The following GALNTL6 variants were observed in gnomAD, a reference collection of about 807,000 sequenced individuals.
GALNTL6 encodes polypeptide N-acetylgalactosaminyltransferase-like 6.
In GALNTL6, 46 loss-of-function variants were observed where a neutral mutation model predicts 73.7. The observed-to-expected ratio is 0.62, with a 90% CI of 0.49 to 0.80. The LOEUF (loss-of-function observed/expected upper bound fraction) is 0.80, where lower values mean the gene tolerates loss of function less well. GALNTL6 is among the 30% of genes least tolerant of loss of function. GALNTL6 has a pLI of 0.00. For missense variants in GALNTL6, 604 were observed against 755.0 expected (o/e 0.80, Z 2.34); for synonymous variants, 259 against 263.7 (o/e 0.98, Z 0.17).
intron 5 of GALNTL6, among the ~76,000 whole-genome samples, chr4:172,702,970 GTT>G (rs1306679670): frequency 6.6e-6 from 1 of 151,710 alleles, no homozygotes; most frequent in East Asian, 1.9e-4. Context: ...TTTATGTATA[GTT>G]TTTTTGGTTG....
chr4:172,087,400 G>A (rs558370079), intron 2 of GALNTL6, among the ~76,000 whole-genome samples: 4 of 147,556 alleles, frequency 2.7e-5, no homozygotes, highest in Non-Finnish European at 5.9e-5. Context: ...AGCCGAGGTC[G>A]CGCCACTGCA....
chr4:173,009,544 G>A (rs561258215), intron 11 of GALNTL6, among the ~76,000 whole-genome samples: 192 of 152,310 alleles, frequency 1.3e-3, no homozygotes, highest in Non-Finnish European at 2.1e-3. Flanking sequence ...ATATGAGAAA[G>A]GATGGGAGAA....
At chr4:171,851,090 A>G (rs893174105) in intron 2 of GALNTL6, among the ~76,000 whole-genome samples, 1 of 152,226 alleles carries the variant, frequency 6.6e-6, no homozygotes, top group African/African-American at 2.4e-5. Context: ...AAATTGAAGT[A>G]TAAGATAGGA....
At chr4:172,817,225 A>T (rs976017995) in intron 7 of GALNTL6, among the ~76,000 whole-genome samples, 9 of 151,908 alleles carry the variant, frequency 5.9e-5, no homozygotes, top group Non-Finnish European at 1.3e-4. Flanking sequence ...CAGGAGTTTG[A>T]GACGAGCCTG....
chr4:172,082,611 G>A (rs951588817), intron 2 of GALNTL6, among the ~76,000 whole-genome samples: 4 of 152,204 alleles, frequency 2.6e-5, no homozygotes, highest in African/African-American at 9.7e-5. Flanking sequence ...AAGAAAGATT[G>A]TGGCAGAGAA....
At chr4:172,254,551 CT>C (rs1175453281) in intron 3 of GALNTL6, among the ~76,000 whole-genome samples, 1 of 151,654 alleles carries the variant, frequency 6.6e-6, no homozygotes, top group Non-Finnish European at 1.5e-5. Context: ...GAAATCTTTG[CT>C]TTTCATTATC....
At chr4:172,609,623 CTCTGTGTGTGTGTGTGTGTGTG>C (rs939367840) in intron 5 of GALNTL6, among the ~76,000 whole-genome samples, 4 of 92,594 alleles carry the variant, frequency 4.3e-5, no homozygotes, top group Admixed American at 3.4e-4. Flanking sequence ...CTCTCTCTCT[CTCTGTGTGTGTGTGTGTGTGTG>C]TGTGTGTGTG....
chr4:172,652,868 TAA>T (rs931136936), intron 5 of GALNTL6, among the ~76,000 whole-genome samples: 9 of 152,322 alleles, frequency 5.9e-5, no homozygotes, highest in Non-Finnish European at 1.2e-4. Context: ...TTCCTAATTA[TAA>T]GTTTTTTTCT....
intron 2 of GALNTL6, among the ~76,000 whole-genome samples, chr4:171,993,990 T>C (rs1032252833): frequency 6.4e-4 from 98 of 152,066 alleles, no homozygotes; most frequent in African/African-American, 2.3e-3. Flanking sequence ...TAAAGAATGC[T>C]GGTGAATTGA....
At chr4:172,930,074 C>T (rs1371914122) in intron 8 of GALNTL6, among the ~76,000 whole-genome samples, 1 of 152,100 alleles carries the variant, frequency 6.6e-6, no homozygotes, top group East Asian at 1.9e-4. Context: ...GTCAGGAGTT[C>T]AAGACCAGCC....
intron 5 of GALNTL6, among the ~76,000 whole-genome samples, chr4:172,610,699 G>T (rs547778748): frequency 6.6e-6 from 1 of 152,104 alleles, no homozygotes; most frequent in South Asian, 2.1e-4. Context: ...TGTCTGTCAG[G>T]TCCATTTGGT....
chr4:172,044,611 A>T (rs984378125), intron 2 of GALNTL6, among the ~76,000 whole-genome samples: 2 of 151,994 alleles, frequency 1.3e-5, no homozygotes, highest in Non-Finnish European at 2.9e-5. Flanking sequence ...ATTCTAATAT[A>T]TGCCTGTAAA....
intron 2 of GALNTL6, among the ~76,000 whole-genome samples, chr4:171,970,605 A>G (rs184774443): frequency 1.1e-4 from 17 of 152,304 alleles, no homozygotes; most frequent in African/African-American, 3.4e-4. Context: ...ATCCTAGGGA[A>G]TTGGATTAGC....
chr4:172,794,345 A>C (rs1269482189), intron 5 of GALNTL6, among the ~76,000 whole-genome samples: 1 of 152,212 alleles, frequency 6.6e-6, no homozygotes, highest in Non-Finnish European at 1.5e-5. Flanking sequence ...CTCCTTGGAC[A>C]TTGATTAAGT....
intron 2 of GALNTL6, among the ~76,000 whole-genome samples, chr4:171,915,210 T>A (rs1681366888): frequency 1.3e-5 from 2 of 152,198 alleles, no homozygotes; most frequent in Admixed American, 1.3e-4. Flanking sequence ...ATGTAATTAA[T>A]GAGCATTGGA....
At chr4:172,895,262 T>G (rs897771789) in intron 8 of GALNTL6, among the ~76,000 whole-genome samples, 4 of 92,646 alleles carry the variant, frequency 4.3e-5, no homozygotes, top group African/African-American at 1.7e-4. Flanking sequence ...TTGTAGCTCT[T>G]CTTTTCCCTT....
At chr4:171,982,594 G>A (rs892156436) in intron 2 of GALNTL6, among the ~76,000 whole-genome samples, 2 of 152,076 alleles carry the variant, frequency 1.3e-5, no homozygotes, top group Non-Finnish European at 2.9e-5. Flanking sequence ...CACCGCGCCC[G>A]ACCGAAAGTA....
intron 2 of GALNTL6, among the ~76,000 whole-genome samples, chr4:172,224,730 C>G (rs1053144790): frequency 1.7e-4 from 26 of 152,154 alleles, no homozygotes; most frequent in African/African-American, 6.3e-4. Context: ...CCTGTGAAGA[C>G]TGTGTATCAC....
At chr4:172,527,550 C>G (rs1735003511) in intron 5 of GALNTL6, among the ~76,000 whole-genome samples, 1 of 152,152 alleles carries the variant, frequency 6.6e-6, no homozygotes, top group African/African-American at 2.4e-5. Context: ...TTCTTCCTTT[C>G]CATAGGATGG....
Sources: gnomAD v4.1 joint callset for allele counts (sites outside exome capture counted in the v4.1 genomes callset) on GRCh38, gnomAD v4.1.1 for gene constraint, MANE v1.5 for transcripts, NCBI Gene and HGNC (gene_info 2026-07-23, HGNC 2026-07-21) for gene names.